C14orf93: variants seen among roughly 807,000 people sequenced by gnomAD.
C14orf93 encodes uncharacterized protein C14orf93.
C14orf93 carries 23 observed loss-of-function variants against 44.0 expected under a neutral mutation model. That is an observed-to-expected ratio of 0.52 (90% CI 0.38 to 0.74). The LOEUF is 0.74. Among genes scored for constraint, C14orf93 ranks in the 30% least tolerant of loss-of-function variants. The pLI is 0.00. For synonymous variants in C14orf93, 253 were observed against 265.7 expected (o/e 0.95, Z 0.46); for missense variants, 579 against 678.9 (o/e 0.85, Z 1.64).
chr14:22,991,012 G>T (rs2045582205), intron 3 of C14orf93, among the ~76,000 whole-genome samples: 1 of 150,392 alleles, frequency 6.6e-6, no homozygotes, highest in African/African-American at 2.4e-5. Flanking sequence ...TAGAGACGGG[G>T]TTTCACCGTG....
At chr14:22,989,637 A>C in intron 5 of C14orf93, 105 bp downstream of exon 5, 2 of 817,320 alleles carry the variant, frequency 2.4e-6, no homozygotes, top group South Asian at 3.2e-5. Flanking sequence ...TATTTTCAAA[A>C]CCACCTAATC....
intron 1 of C14orf93, chr14:23,000,880 G>A (rs890298727): frequency 6.6e-6 from 1 of 152,122 alleles, no homozygotes; most frequent in Non-Finnish European, 1.5e-5. Flanking sequence ...ATTACATGTG[G>A]TTATTAAAGA....
chr14:23,006,881 G>A (rs1475801130), intron 1 of C14orf93: 7 of 152,570 alleles, frequency 4.6e-5, no homozygotes, highest in African/African-American at 1.7e-4. Context: ...TCATTCCCGC[G>A]AGGGATGCGG....
chr14:23,000,797 G>T (rs2046254189), intron 1 of C14orf93, among the ~76,000 whole-genome samples: 1 of 151,554 alleles, frequency 6.6e-6, no homozygotes, highest in Non-Finnish European at 1.5e-5. Context: ...TTTTGAATAG[G>T]CAATCTCATT....
chr14:22,988,377 G>A (rs2045371307), intron 5 of C14orf93, among the ~76,000 whole-genome samples: 1 of 152,140 alleles, frequency 6.6e-6, no homozygotes, highest in Non-Finnish European at 1.5e-5. Context: ...CACCTGCCTT[G>A]GCCTCCCAAA....
chr14:22,999,140 G>T lies in C14orf93; in HGVS notation c.-117C>A. The T allele has an allele frequency of 1.4e-6, 2 of 1,456,370 alleles. No homozygotes were observed. The highest frequency in any genetic ancestry group is 2.7e-5 in the South Asian group (2 of 73,210). 90.2% of individuals were successfully genotyped at this position (1,456,370 alleles called of 1,614,324 possible). ...AATGAGGATGGTCAGAGGAGCCCAG[G>T]CCCCAAGCTGTAGGGTCTGTGAAAG... is the stretch of plus-strand genomic sequence containing the variant. On this transcript the variant is annotated 5_prime_UTR_variant, in exon 2 of 7. Transcript: ENST00000299088.
chr14:23,000,735 AAG>A, intron 1 of C14orf93, among the ~76,000 whole-genome samples: 1 of 151,580 alleles, frequency 6.6e-6, no homozygotes, highest in African/African-American at 2.4e-5. Flanking sequence ...AAAAAAAAAA[AAG>A]AGTAGGAGGT....
intron 3 of C14orf93, 52 bp from the exon 4 acceptor site, chr14:22,990,179 A>G: frequency 6.6e-7 from 1 of 1,506,902 alleles, no homozygotes; most frequent in Non-Finnish European, 9.2e-7. Flanking sequence ...TGTTATGAAA[A>G]CTCTCCTCTG....
chr14:23,000,491 C>T (rs1424402324), intron 1 of C14orf93, among the ~76,000 whole-genome samples: 3 of 151,800 alleles, frequency 2.0e-5, no homozygotes, highest in East Asian at 3.9e-4. Context: ...TGAGGTGGGC[C>T]GATCACCTGA....
In C14orf93 at chr14:22,996,838, T is replaced by C. The variant is rs1283388465; in HGVS notation, c.598-570A>G. Among the ~76,000 whole-genome samples, 1 of 152,016 alleles carries C rather than the reference T, an allele frequency of 6.6e-6. No individual in the cohort carries two copies. The highest frequency in any genetic ancestry group is 2.1e-4 in the South Asian group (1 of 4,826). On this transcript the variant is annotated intron_variant, in intron 2 of 6. Coordinates refer to ENST00000299088, the MANE Select transcript of C14orf93 (RefSeq NM_021944.4). The surrounding 1 kb of genome is among the most constrained non-coding windows in gnomAD (Gnocchi z 4.1). ...CATTCGACTGTCATAGCCCCTGACATCTACCTGACTGCCTGTGCCCTCACT... is the reference window on the plus strand; with the variant it reads ...CATTCGACTGTCATAGCCCCTGACACCTACCTGACTGCCTGTGCCCTCACT...
At chr14:22,993,037 G>A (rs1022804435) in intron 3 of C14orf93, among the ~76,000 whole-genome samples, 54 of 151,662 alleles carry the variant, frequency 3.6e-4, no homozygotes, top group African/African-American at 1.1e-3. Context: ...ACGCCACCAC[G>A]CCCAGCTAAT....
At chr14:22,991,957 A>G (rs2045663536) in intron 3 of C14orf93, among the ~76,000 whole-genome samples, 1 of 152,224 alleles carries the variant, frequency 6.6e-6, no homozygotes, top group Admixed American at 6.5e-5. Context: ...ATGTGTTACC[A>G]CAAATCTCTG....
intron 4 of C14orf93, 40 bp downstream of exon 4, chr14:22,990,026 C>A (rs747927270): frequency 5.1e-6 from 8 of 1,573,468 alleles, no homozygotes; most frequent in Non-Finnish European, 7.0e-6. Flanking sequence ...CTGTCCTTAG[C>A]AAAGTACCTT....
At chr14:23,002,451 CAAAAAAA>C (rs397709228) in intron 1 of C14orf93, among the ~76,000 whole-genome samples, 3 of 89,078 alleles carry the variant, frequency 3.4e-5, no homozygotes, top group African/African-American at 1.3e-4. Context: ...GACTCCATCT[CAAAAAAA>C]AAAAAAAAAA....
chr14:22,995,047 G>A (rs1255211997), intron 3 of C14orf93, among the ~76,000 whole-genome samples: 1 of 152,226 alleles, frequency 6.6e-6, no homozygotes, highest in African/African-American at 2.4e-5. Flanking sequence ...GGTTTGGTCA[G>A]CTGCCAGGAT....
chr14:23,002,148 C>CA (rs74577400), intron 1 of C14orf93, among the ~76,000 whole-genome samples: 5,348 of 61,804 alleles, frequency 0.087, 335 homozygotes, highest in African/African-American at 0.23. Flanking sequence ...GATTCCGTCT[C>CA]AAAAAAAAAA....
chr14:23,003,725 C>T (rs1658381013), intron 1 of C14orf93, among the ~76,000 whole-genome samples: 1 of 150,116 alleles, frequency 6.7e-6, no homozygotes, highest in Admixed American at 6.6e-5. Context: ...GGCTTGAACC[C>T]AGGAGGCAGA....
chr14:22,996,348 T>G lies in C14orf93; in HGVS notation c.598-80A>C. Reference sequence around the variant, plus strand: ...TTAACCATCATTCTTTGGCTAAGAATAGTGAACAGAAAGTGGAAAGAAGGG... The same window carrying G: ...TTAACCATCATTCTTTGGCTAAGAAGAGTGAACAGAAAGTGGAAAGAAGGG... On this transcript the variant is annotated intron_variant, in intron 2 of 6. Coordinates refer to ENST00000299088, the MANE Select transcript of C14orf93 (RefSeq NM_021944.4). This position sits in a 1 kb window ranked among gnomAD's most constrained non-coding sequence, Gnocchi z 4.1. The G allele has an allele frequency of 1.5e-6, 2 of 1,378,916 alleles. No individual in the cohort carries two copies. The highest frequency in any genetic ancestry group is 2.0e-6 in the Non-Finnish European group (2 of 1,021,758). The allele number at this position is 1,378,916 out of a possible 1,614,324, so 85.4% of individuals were successfully genotyped here.
rs1191752520 is a variant in C14orf93, at chr14:22,996,678, A to G, written c.598-410T>C. On this transcript the variant is annotated intron_variant, in intron 2 of 6. Transcript: ENST00000299088. The surrounding 1 kb of genome is among the most constrained non-coding windows in gnomAD (Gnocchi z 4.1). ...AAACAGTAACAGCAATAAAGAGGAGACATAAAAGACAAATGAGCAAAGGAG... is the reference window on the plus strand; with the variant it reads ...AAACAGTAACAGCAATAAAGAGGAGGCATAAAAGACAAATGAGCAAAGGAG... Among the ~76,000 whole-genome samples, 2 of 152,230 alleles carry G rather than the reference A, an allele frequency of 1.3e-5. No individual in the cohort carries two copies. Among genetic ancestry groups the G allele is most frequent in the Non-Finnish European group, 2.9e-5 (2 of 68,046 alleles).
Sources: gnomAD v4.1 joint callset for allele counts (sites outside exome capture counted in the v4.1 genomes callset) on GRCh38, gnomAD v4.1.1 for gene constraint, Gnocchi (gnomAD v3.1) non-coding constraint, MANE v1.5 for transcripts, NCBI Gene and HGNC (gene_info 2026-07-23, HGNC 2026-07-21) for gene names.